NTM: variants seen among roughly 807,000 people sequenced by gnomAD.
NTM encodes the protein IgLON family member 2.
Under a neutral mutation model 42.1 loss-of-function variants are expected in NTM, and 13 were observed. That is an observed-to-expected ratio of 0.31 (90% CI 0.20 to 0.49). The LOEUF (loss-of-function observed/expected upper bound fraction) is 0.49. Ranked by LOEUF, NTM falls within the 20% of genes least tolerant of loss-of-function variation. NTM has a pLI of 0.99. For synonymous variants in NTM, 187 were observed against 179.2 expected (o/e 1.04, Z -0.35); for missense variants, 373 against 452.8 (o/e 0.82, Z 1.60).
At chr11:131,602,814 G>T (rs773314349) in intron 1 of NTM, among the ~76,000 whole-genome samples, 9 of 152,058 alleles carry the variant, frequency 5.9e-5, no homozygotes, top group Non-Finnish European at 1.3e-4. Flanking sequence ...TAAATGAACC[G>T]CCATTGACTC....
At chr11:131,585,103 GA>G (rs1331510112) in intron 1 of NTM, among the ~76,000 whole-genome samples, 2 of 152,232 alleles carry the variant, frequency 1.3e-5, no homozygotes, top group African/African-American at 4.8e-5. Context: ...CGGATGGGAG[GA>G]GGAGGAAGAC....
At chr11:131,763,709 CTTTTTTTTTTTTTTTT>C (rs557522093) in intron 1 of NTM, among the ~76,000 whole-genome samples, 3 of 71,362 alleles carry the variant, frequency 4.2e-5, no homozygotes, top group African/African-American at 1.7e-4. Context: ...ATCTCTCTCT[CTTTTTTTTTTTTTTTT>C]TTTTTTTTTT....
chr11:131,376,039 G>A (rs940789030), intron 1 of NTM, among the ~76,000 whole-genome samples: 8 of 151,714 alleles, frequency 5.3e-5, no homozygotes, highest in Admixed American at 5.3e-4. Flanking sequence ...AAAAATAATT[G>A]ATCAGTTGAC....
intron 1 of NTM, among the ~76,000 whole-genome samples, chr11:131,472,015 G>A (rs1308329806): frequency 6.6e-6 from 1 of 152,184 alleles, no homozygotes; most frequent in Non-Finnish European, 1.5e-5. Context: ...AAACCAAGAC[G>A]TTTCAATTAA....
chr11:131,800,311 A>G (rs2091994670), intron 1 of NTM, among the ~76,000 whole-genome samples: 1 of 152,206 alleles, frequency 6.6e-6, no homozygotes, highest in Non-Finnish European at 1.5e-5. Context: ...CAAGCAGGCT[A>G]AACGGTTTTA....
chr11:131,592,175 A>G (rs908146), intron 1 of NTM, among the ~76,000 whole-genome samples: 6,147 of 152,276 alleles, frequency 0.04, 393 homozygotes, highest in African/African-American at 0.14. Flanking sequence ...GATCAGAGGA[A>G]CAGCTCTGAC....
intron 1 of NTM, chr11:131,605,588 G>A (rs1297997324): frequency 1.3e-5 from 2 of 154,724 alleles, no homozygotes; most frequent in African/African-American, 2.4e-5. Flanking sequence ...GAATGCAAGT[G>A]GCAAGAGTGA....
intron 1 of NTM, among the ~76,000 whole-genome samples, chr11:131,395,012 T>C (rs1342034538): frequency 1.3e-5 from 2 of 152,156 alleles, no homozygotes; most frequent in African/African-American, 4.8e-5. Context: ...ACGGGACCTT[T>C]CTCTGAGACT....
intron 1 of NTM, among the ~76,000 whole-genome samples, chr11:131,552,766 C>A (rs1446389565): frequency 6.7e-6 from 1 of 150,166 alleles, no homozygotes; most frequent in Non-Finnish European, 1.5e-5. Context: ...TGCAGTGAGC[C>A]GAGATTGTGC....
intron 1 of NTM, among the ~76,000 whole-genome samples, chr11:131,548,994 A>G (rs998611377): frequency 6.6e-5 from 10 of 152,222 alleles, no homozygotes; most frequent in African/African-American, 2.4e-4. Flanking sequence ...TATTTTATGT[A>G]GGGTGTTTGT....
At chr11:131,833,408 G>A (rs1006547973) in intron 1 of NTM, among the ~76,000 whole-genome samples, 1 of 152,152 alleles carries the variant, frequency 6.6e-6, no homozygotes, top group East Asian at 1.9e-4. Flanking sequence ...ACACCATGAA[G>A]TAGATACTAA....
At chr11:131,613,388 C>T (rs1015784498) in intron 1 of NTM, among the ~76,000 whole-genome samples, 8 of 152,074 alleles carry the variant, frequency 5.3e-5, no homozygotes, top group African/African-American at 9.7e-5. Context: ...CCATGGTCCT[C>T]GGTGAGGAGC....
chr11:131,566,440 TG>T (rs2056896830), intron 1 of NTM, among the ~76,000 whole-genome samples: 3 of 151,936 alleles, frequency 2.0e-5, no homozygotes, highest in Non-Finnish European at 4.4e-5. Flanking sequence ...TGCGTGTGTG[TG>T]TGTGTGTGTC....
At chr11:131,553,514 C>T (rs1308112810) in intron 1 of NTM, among the ~76,000 whole-genome samples, 3 of 152,124 alleles carry the variant, frequency 2.0e-5, no homozygotes, top group Admixed American at 1.3e-4. Flanking sequence ...ACCAGGGAGG[C>T]ATTTTGTCTC....
At chr11:132,155,979 T>C (rs2073102234) in intron 3 of NTM, among the ~76,000 whole-genome samples, 1 of 152,186 alleles carries the variant, frequency 6.6e-6, no homozygotes, top group South Asian at 2.1e-4. Flanking sequence ...AGCCAGGCTT[T>C]GCTGTTGCAG....
chr11:131,799,036 G>T (rs1591938950), intron 1 of NTM, among the ~76,000 whole-genome samples: 2 of 152,258 alleles, frequency 1.3e-5, no homozygotes, highest in Admixed American at 6.5e-5. Flanking sequence ...AGAAAAAAGG[G>T]CAGACAGAAA....
At chr11:131,644,539 C>T (rs1258495706) in intron 1 of NTM, among the ~76,000 whole-genome samples, 1 of 152,348 alleles carries the variant, frequency 6.6e-6, no homozygotes, top group Non-Finnish European at 1.5e-5. Context: ...AAATTCATTA[C>T]TCGCCACAGA....
intron 1 of NTM, among the ~76,000 whole-genome samples, chr11:131,756,367 T>C (rs151145095): frequency 3.9e-4 from 60 of 152,158 alleles, no homozygotes; most frequent in African/African-American, 1.4e-3. Flanking sequence ...GAGGACCACT[T>C]GAGCCCGGGA....
chr11:131,911,105 C>T, intron 1 of NTM: 1 of 1,191,540 alleles, frequency 8.4e-7, no homozygotes, highest in South Asian at 2.0e-5. Context: ...TACCAAAGTG[C>T]TTACTCCTCT....
Sources: gnomAD v4.1 joint callset for allele counts (sites outside exome capture counted in the v4.1 genomes callset) on GRCh38, gnomAD v4.1.1 for gene constraint, MANE v1.5 for transcripts, NCBI Gene and HGNC (gene_info 2026-07-23, HGNC 2026-07-21) for gene names.